BEST1: variants seen among roughly 807,000 people sequenced by gnomAD.
The protein encoded by BEST1 is bestrophin 1, also known as bestrophin-1.
BEST1 carries 58 observed loss-of-function variants against 63.3 expected under a neutral mutation model. That is an observed-to-expected ratio of 0.92 (90% confidence interval 0.74 to 1.14). The LOEUF is 1.14. BEST1 is among the 50% of genes most tolerant of loss of function. BEST1 has a pLI of 0.00. For missense variants in BEST1, 671 were observed against 740.1 expected, an observed-to-expected ratio of 0.91 and a Z score of 1.08; for synonymous variants, 283 against 291.6, an observed-to-expected ratio of 0.97 and a Z score of 0.30.
Position 61,962,594 on chromosome 11 carries a change from C to T in BEST1, c.1440C>T (p.Pro480=), listed in dbSNP as rs766882428. Residue 480 remains proline, a synonymous_variant, in exon 10 of 11, where the codon CCC becomes CCT. Transcript: ENST00000378043. ...TPLSPTPMFF[P]LEPSAPSKLH... ...TCAGCCCCACTCCCATGTTCTTCCCCCTAGAACCATCAGCGCCGTCAAAGC... is the reference window on the plus strand; with the variant it reads ...TCAGCCCCACTCCCATGTTCTTCCCTCTAGAACCATCAGCGCCGTCAAAGC... 32 of 1,614,038 alleles carry T rather than the reference C, an allele frequency of 2.0e-5. No homozygotes were observed. The highest frequency in any genetic ancestry group is 2.7e-5 in the Non-Finnish European group (32 of 1,180,024).
Position 61,956,011 on chromosome 11 carries a change from G to A in BEST1, c.481+60G>A, listed in dbSNP as rs1404673989. 3 of 1,474,626 alleles carry A rather than the reference G, an allele frequency of 2.0e-6. No individual in the cohort carries two copies. The South Asian group carries it at 3.7e-5, about 18-fold the overall frequency. The allele number at this position is 1,474,626 out of a possible 1,614,324, so 91.3% of individuals were successfully genotyped here. ...CAGAGCCAGGGGCCGAGATGGGCGC[G>A]GCAGGAATGGAAGATGGGTGGAGCC... is the stretch of plus-strand genomic sequence containing the variant. On this transcript the variant is annotated intron_variant, in intron 4 of 10. Transcript: ENST00000378043.
intron 8 of BEST1, 116 bp from the exon 9 acceptor site, chr11:61,959,776 C>A: frequency 6.8e-7 from 1 of 1,478,994 alleles, no homozygotes; most frequent in Non-Finnish European, 9.3e-7. Flanking sequence ...CCCCATTTCA[C>A]AGGCAGGGAA....
chr11:61,953,066 G>A (rs2736595), intron 2 of BEST1, among the ~76,000 whole-genome samples: 69,731 of 151,994 alleles, frequency 0.46, 18,563 homozygotes, highest in East Asian at 0.88. Context: ...TCACACCACT[G>A]CACTTCAGCC....
intron 7 of BEST1, chr11:61,958,903 C>CAT (rs1554962818): frequency 0.087 from 2,670 of 30,784 alleles, 80 homozygotes; most frequent in Admixed American, 0.32. Flanking sequence ...CACACACACA[C>CAT]ACATACACAC....
At chr11:61,950,022 C>T (rs1940496019), upstream of BEST1, 1 of 153,106 alleles carries the variant, frequency 6.5e-6, no homozygotes, top group African/African-American at 2.4e-5. Flanking sequence ...GAAGTTGAAG[C>T]TCAGCACAGC....
At chr11:61,953,455 G>A (rs144630276) in intron 2 of BEST1, among the ~76,000 whole-genome samples, 2,935 of 152,216 alleles carry the variant, frequency 0.019, 110 homozygotes, top group Admixed American at 0.1. Context: ...GCTTACACCC[G>A]TAATCCCAGC....
intron 9 of BEST1, chr11:61,961,855 T>C (rs1220835537): frequency 1.4e-5 from 3 of 219,500 alleles, no homozygotes; most frequent in African/African-American, 2.3e-5. Flanking sequence ...CACTCCCAGT[T>C]GGAACCACAA....
upstream of BEST1, chr11:61,950,118 T>C (rs1422304421): frequency 6.6e-6 from 1 of 152,380 alleles, no homozygotes; most frequent in Non-Finnish European, 1.5e-5. Context: ...TTTAGGGCCA[T>C]GGTAGAGGGG....
At position 61,956,856 on chromosome 11, in the gene BEST1, C is replaced by T. The variant is rs1422259821; in HGVS notation, c.494C>T (p.Pro165Leu). The T allele has an allele frequency of 8.7e-6, 14 of 1,613,986 alleles. No individual in the cohort carries two copies. Among genetic ancestry groups the T allele is most frequent in the African/African-American group, 2.7e-5 (2 of 74,894 alleles). Residue 165 changes from proline to leucine, a missense_variant, in exon 5 of 11, where the codon CCG (proline) becomes CTG (leucine). Transcript: ENST00000378043. ...QHLVQAGFMT[P>L]AEHKQLEKLS... ...CTCCACTCTGCAGGCTTTATGACTC[C>T]GGCAGAACACAAGCAGTTGGAGAAA...
chr11:61,963,919 AC>A (rs1942336134), intron 10 of BEST1, 184 bp from the exon 11 acceptor site: 1 of 1,407,658 alleles, frequency 7.1e-7, no homozygotes, highest in Admixed American at 2.5e-5. Context: ...AATTGCTTGA[AC>A]CCAGGAGGTG....
chr11:61,955,258 G>T, intron 3 of BEST1, 57 bp downstream of exon 3: 2 of 1,604,424 alleles, frequency 1.2e-6, no homozygotes, highest in Non-Finnish European at 1.7e-6. Context: ...CTCCAGACAG[G>T]CCAGGGGAGG....
Position 61,958,189 on chromosome 11 carries a change from T to C in BEST1, c.758T>C (p.Val253Ala). ...AVYSFFLTCL[V>A]GRQFLNPAKA... ...TACAGCTTCTTCCTGACTTGTCTAG[T>C]TGGGCGGCAGTTTCTGAACCCAGCC... Residue 253 changes from valine to alanine, a missense_variant, in exon 7 of 11, where the codon GTT becomes GCT. Physicochemically the swap from Val to Ala is moderately conservative, Grantham distance 64. Coordinates refer to ENST00000378043, the MANE Select transcript of BEST1 (RefSeq NM_004183.4). The C allele has an allele frequency of 1.2e-6, 2 of 1,614,132 alleles. No homozygotes were observed. Among genetic ancestry groups the C allele is most frequent in the Non-Finnish European group, 1.7e-6 (2 of 1,180,022 alleles).
chr11:61,958,816 CCTTT>C (rs770831992), intron 7 of BEST1: 48 of 316,502 alleles, frequency 1.5e-4, no homozygotes, highest in Non-Finnish European at 2.0e-4. Flanking sequence ...TTCCTACCTT[CCTTT>C]ATTTTTTGGT....
At chr11:61,958,369 C>G (rs768082286) in intron 7 of BEST1, 71 bp downstream of exon 7, 1 of 1,610,846 alleles carries the variant, frequency 6.2e-7, no homozygotes, top group South Asian at 1.1e-5. Context: ...CTGCCTGAGA[C>G]GAGGATGCAG....
At chr11:61,958,508 T>C (rs928809810) in intron 7 of BEST1, 174 of 1,335,112 alleles carry the variant, frequency 1.3e-4, no homozygotes, top group Non-Finnish European at 1.7e-4. Context: ...TGTGGTGAGT[T>C]GAGATCGTGC....
At chr11:61,954,737 AC>A in intron 2 of BEST1, 4 of 941,204 alleles carry the variant, frequency 4.2e-6, no homozygotes, top group Non-Finnish European at 5.1e-6. Flanking sequence ...GGCGTGAACC[AC>A]CGTGCCCGTC....
intron 9 of BEST1, chr11:61,960,285 C>T (rs965027212): frequency 1.2e-5 from 7 of 603,412 alleles, no homozygotes; most frequent in Non-Finnish European, 2.0e-5. Flanking sequence ...CACATAGCTA[C>T]CAAATGGTGC....
chr11:61,956,058 A>C (rs1315698297), intron 4 of BEST1, 107 bp downstream of exon 4: 8 of 1,156,306 alleles, frequency 6.9e-6, no homozygotes, highest in Non-Finnish European at 9.7e-6. Flanking sequence ...GACTCGGGGG[A>C]TTGGGTGGAG....
At chr11:61,954,459 A>G (rs944679471) in intron 2 of BEST1, among the ~76,000 whole-genome samples, 1 of 152,078 alleles carries the variant, frequency 6.6e-6, no homozygotes, top group Non-Finnish European at 1.5e-5. Context: ...CCTCTCATTA[A>G]AGCCAAACAC....
Sources: allele counts gnomAD v4.1 joint callset (sites outside exome capture counted in the v4.1 genomes callset), GRCh38; gene constraint gnomAD v4.1.1; transcripts MANE v1.5; gene names NCBI Gene and HGNC (gene_info 2026-07-23, HGNC 2026-07-21).